The following HDAC4 variants were observed in gnomAD, a reference collection of about 807,000 sequenced individuals.
The protein encoded by HDAC4 is histone deacetylase 4, also known as histone deacetylase A.
Under a neutral mutation model 135.1 loss-of-function variants are expected in HDAC4, and 16 were observed. The observed-to-expected ratio is 0.12, with a 90% CI of 0.08 to 0.18. The LOEUF is 0.18. Among genes scored for constraint, HDAC4 ranks in the 10% least tolerant of loss-of-function variants. HDAC4 has a pLI of 1.00. For missense variants in HDAC4, 1,143 were observed against 1,511.8 expected (o/e 0.76, Z 4.05); for synonymous variants, 685 against 653.4 (o/e 1.05, Z -0.74).
intron 5 of HDAC4, among the ~76,000 whole-genome samples, chr2:239,169,444 T>C (rs2043315106): frequency 6.6e-6 from 1 of 152,238 alleles, no homozygotes; most frequent in African/African-American, 2.4e-5. Flanking sequence ...CCGCGTGCTA[T>C]TGTCTACGGA....
chr2:239,365,870 G>A lies in HDAC4; in HGVS notation c.-219-12952C>T, dbSNP rs747778982. Among the ~76,000 whole-genome samples, 12 of 149,778 alleles carry A rather than the reference G, an allele frequency of 8.0e-5. No individual in the cohort carries two copies. The South Asian group carries it at 1.9e-3, about 24-fold the overall frequency. On this transcript the variant is annotated intron_variant, in intron 1 of 26. Coordinates refer to ENST00000543185, the MANE Select transcript of HDAC4 (RefSeq NM_001378414.1). Reference sequence around the variant, plus strand: ...CAGATCAGGGTCATCAGGGTCACACGCGTGGCACTGGGGGACACACAGAGA... The same window carrying A: ...CAGATCAGGGTCATCAGGGTCACACACGTGGCACTGGGGGACACACAGAGA...
intron 17 of HDAC4, 122 bp from the exon 18 acceptor site, chr2:239,090,238 G>A: frequency 1.4e-6 from 1 of 728,244 alleles, no homozygotes; most frequent in South Asian, 1.5e-5. Flanking sequence ...GCCTACCAGA[G>A]CCAGGGCAGC....
rs1190440385 is a variant in HDAC4 at position 239,308,270 on chromosome 2, G to A, written c.22+44408C>T. On this transcript the variant is annotated intron_variant, in intron 2 of 26. Transcript: ENST00000543185. This position sits in a 1 kb window ranked among gnomAD's most constrained non-coding sequence, Gnocchi z 4.2. ...GGGGAGTCCACTGCCTTGGGGACAC[G>A]AGGGAGCCAGGGTCACTTTCTTCCT... 1.3e-5 allele frequency among the ~76,000 whole-genome samples: 2 copies of A among 152,138 alleles called. No homozygotes were observed. Among genetic ancestry groups the A allele is most frequent in the Non-Finnish European group, 1.5e-5 (1 of 68,018 alleles).
chr2:239,075,081 G>A lies in HDAC4; in HGVS notation c.2750+6014C>T, dbSNP rs182309561. On this transcript the variant is annotated intron_variant, in intron 22 of 26. Coordinates refer to ENST00000543185, the MANE Select transcript of HDAC4 (RefSeq NM_001378414.1). ...TACTAAAAAATACAAAAAGTTAGCT[G>A]GGCGTGGTGGCGGGTGCCTGTAGTC... 8.4e-3 allele frequency among the ~76,000 whole-genome samples: 1,274 copies of A among 152,034 alleles called. 20 individuals carry two copies. The highest frequency in any genetic ancestry group is 0.013 in the South Asian group (62 of 4,802).
chr2:239,093,634 G>A (rs975377154), intron 17 of HDAC4, among the ~76,000 whole-genome samples: 1 of 152,200 alleles, frequency 6.6e-6, no homozygotes, highest in Non-Finnish European at 1.5e-5. Context: ...CTCTGCCCGC[G>A]TCCACGTGGG....
intron 1 of HDAC4, among the ~76,000 whole-genome samples, chr2:239,384,018 C>A (rs1349702666): frequency 1.3e-5 from 2 of 152,198 alleles, no homozygotes; most frequent in Non-Finnish European, 1.5e-5. Flanking sequence ...GAGGCGCAGT[C>A]CACTCTCGCC....
At chr2:239,123,779 A>G (rs954640101) in intron 12 of HDAC4, among the ~76,000 whole-genome samples, 3 of 152,184 alleles carry the variant, frequency 2.0e-5, no homozygotes, top group Non-Finnish European at 4.4e-5. Flanking sequence ...CTGCGGGAAG[A>G]GGCAGCAGTG....
At chr2:239,384,052 C>T (rs1450665145) in intron 1 of HDAC4, among the ~76,000 whole-genome samples, 1 of 152,216 alleles carries the variant, frequency 6.6e-6, no homozygotes, top group African/African-American at 2.4e-5. Flanking sequence ...CACGAACAGC[C>T]CGGACACAGA....
At chr2:239,178,105 C>A (rs969111792) in intron 4 of HDAC4, among the ~76,000 whole-genome samples, 1 of 152,216 alleles carries the variant, frequency 6.6e-6, no homozygotes, top group Non-Finnish European at 1.5e-5. Context: ...CCACACAAAC[C>A]CCTGGGCCAG....
chr2:239,156,828 A>G, intron 6 of HDAC4, 55 bp from the exon 7 acceptor site: 1 of 1,610,694 alleles, frequency 6.2e-7, no homozygotes, highest in South Asian at 1.1e-5. Context: ...TGCCCCAGGC[A>G]TGCTGCAGCC....
intron 3 of HDAC4, among the ~76,000 whole-genome samples, chr2:239,223,368 C>G (rs1411282364): frequency 6.6e-6 from 1 of 152,192 alleles, no homozygotes; most frequent in Non-Finnish European, 1.5e-5. Context: ...TCCGCCGGGG[C>G]TTTCTGGAGA....
chr2:239,377,687 A>G (rs1695116090), intron 1 of HDAC4, among the ~76,000 whole-genome samples: 1 of 152,208 alleles, frequency 6.6e-6, no homozygotes, highest in African/African-American at 2.4e-5. Flanking sequence ...GGCAGGGCTG[A>G]CAGCTCATCT....
At chr2:239,185,190 T>C (rs992738937) in intron 4 of HDAC4, among the ~76,000 whole-genome samples, 4 of 151,560 alleles carry the variant, frequency 2.6e-5, no homozygotes, top group Non-Finnish European at 5.9e-5. Flanking sequence ...TGGGGAGAGG[T>C]GCACCCCATG....
intron 3 of HDAC4, among the ~76,000 whole-genome samples, chr2:239,210,029 G>T (rs1255182907): frequency 1.3e-5 from 2 of 152,228 alleles, no homozygotes; most frequent in African/African-American, 2.4e-5. Flanking sequence ...GGGCCTTCTA[G>T]AACAGTGGGC....
intron 2 of HDAC4, among the ~76,000 whole-genome samples, chr2:239,314,211 A>T (rs2125720992): frequency 6.6e-6 from 1 of 152,352 alleles, no homozygotes. Flanking sequence ...ACCTCAAAAA[A>T]ACATCCAAGA....
At chr2:239,132,818 A>G (rs778660191) in intron 11 of HDAC4, among the ~76,000 whole-genome samples, 14 of 152,248 alleles carry the variant, frequency 9.2e-5, no homozygotes, top group Non-Finnish European at 1.5e-4. Flanking sequence ...AGTGAATCCC[A>G]GGAATCCTGA....
chr2:239,211,396 T>A (rs1023808516), intron 3 of HDAC4, among the ~76,000 whole-genome samples: 1 of 152,192 alleles, frequency 6.6e-6, no homozygotes, highest in African/African-American at 2.4e-5. Flanking sequence ...AAAGTCCTGG[T>A]TGCTAACGGT....
chr2:239,355,314 CCT>C (rs1693421768), intron 1 of HDAC4, among the ~76,000 whole-genome samples: 1 of 152,190 alleles, frequency 6.6e-6, no homozygotes, highest in South Asian at 2.1e-4. Flanking sequence ...TCAGATCTGG[CCT>C]CTTTCACCGG....
chr2:239,302,407 G>C lies in HDAC4; in HGVS notation c.22+50271C>G, dbSNP rs191301528. Among the ~76,000 whole-genome samples the C allele has an allele frequency of 6.7e-4, 102 of 152,326 alleles. 1 individual carries two copies. The highest frequency in any genetic ancestry group is 2.3e-3 in the African/African-American group (95 of 41,564). On this transcript the variant is annotated intron_variant, in intron 2 of 26. Coordinates refer to ENST00000543185, the MANE Select transcript of HDAC4 (RefSeq NM_001378414.1). ...CTAGAGTTGCCAAGCTATAAAACAC[G>C]AGCAGAGAGAGGAGGCCCTTCCACA...
Sources: allele counts gnomAD v4.1 joint callset (sites outside exome capture counted in the v4.1 genomes callset), GRCh38; gene constraint gnomAD v4.1.1; non-coding constraint Gnocchi (gnomAD v3.1); transcripts MANE v1.5; gene names NCBI Gene and HGNC (gene_info 2026-07-23, HGNC 2026-07-21).